The following IGSF21 variants were observed in gnomAD, a reference collection of about 807,000 sequenced individuals.
IGSF21 encodes immunoglobulin superfamily member 21.
Under a neutral mutation model 46.8 loss-of-function variants are expected in IGSF21, and 28 were observed. That is an observed-to-expected ratio of 0.60 (90% CI 0.44 to 0.82). The LOEUF (loss-of-function observed/expected upper bound fraction) is 0.82. Among genes scored for constraint, IGSF21 ranks in the 40% least tolerant of loss-of-function variants. The pLI is 0.00. For synonymous variants in IGSF21, 284 were observed against 273.6 expected (o/e 1.04, Z -0.38); for missense variants, 624 against 665.5 (o/e 0.94, Z 0.69).
intron 1 of IGSF21, among the ~76,000 whole-genome samples, chr1:18,226,801 C>T (rs913802274): frequency 6.6e-6 from 1 of 152,210 alleles, no homozygotes; most frequent in African/African-American, 2.4e-5. Flanking sequence ...TTAAGACTAT[C>T]GGACTGGATT....
At chr1:18,108,984 C>CTGTGTGTGTGTGTG (rs1375887978) in intron 1 of IGSF21, among the ~76,000 whole-genome samples, 5 of 13,308 alleles carry the variant, frequency 3.8e-4, no homozygotes, top group Admixed American at 8.2e-4. Flanking sequence ...GTGAGCAGCT[C>CTGTGTGTGTGTGTG]AGTGTGTGTG....
intron 1 of IGSF21, among the ~76,000 whole-genome samples, chr1:18,196,945 G>A (rs753513571): frequency 1.5e-4 from 23 of 152,138 alleles, no homozygotes; most frequent in Non-Finnish European, 2.9e-4. Flanking sequence ...GAAGACGGAC[G>A]AGCTGGCTTC....
At chr1:18,272,399 AC>A (rs1322227639) in intron 2 of IGSF21, among the ~76,000 whole-genome samples, 1 of 151,872 alleles carries the variant, frequency 6.6e-6, no homozygotes, top group Non-Finnish European at 1.5e-5. Flanking sequence ...CAGTCGCTTC[AC>A]CCCTCCAGGC....
At chr1:18,147,101 G>A (rs896077602) in intron 1 of IGSF21, among the ~76,000 whole-genome samples, 5 of 152,128 alleles carry the variant, frequency 3.3e-5, no homozygotes, top group African/African-American at 4.8e-5. Flanking sequence ...ACGTGTCCAC[G>A]CCTGCCATAG....
chr1:18,320,259 G>A (rs1039588955), intron 3 of IGSF21, among the ~76,000 whole-genome samples: 1 of 152,162 alleles, frequency 6.6e-6, no homozygotes, highest in African/African-American at 2.4e-5. Context: ...AAGCTGGCTG[G>A]CTCCTCTGTC....
At chr1:18,280,520 T>G (rs1031369864) in intron 2 of IGSF21, among the ~76,000 whole-genome samples, 1 of 152,210 alleles carries the variant, frequency 6.6e-6, no homozygotes, top group Non-Finnish European at 1.5e-5. Flanking sequence ...AGTTATAGCA[T>G]GTGTACTATG....
intron 1 of IGSF21, among the ~76,000 whole-genome samples, chr1:18,158,100 C>T (rs1174052782): frequency 3.9e-5 from 6 of 152,168 alleles, no homozygotes; most frequent in African/African-American, 9.7e-5. Flanking sequence ...AGCTCAGTGG[C>T]GCCCCCATCA....
intron 6 of IGSF21, 41 bp from the exon 7 acceptor site, chr1:18,376,269 C>A (rs766355916): frequency 1.5e-6 from 2 of 1,368,994 alleles, no homozygotes; most frequent in Non-Finnish European, 2.1e-6. Flanking sequence ...CCTGTCCCTC[C>A]TTTCCTTACT....
chr1:18,168,377 G>A (rs1045407316), intron 1 of IGSF21, among the ~76,000 whole-genome samples: 5 of 152,110 alleles, frequency 3.3e-5, no homozygotes, highest in Admixed American at 6.5e-5. Flanking sequence ...CACACACATT[G>A]TTGCATAAAT....
Position 18,333,839 on chromosome 1 carries a change from C to T in IGSF21, c.306-1053C>T, listed in dbSNP as rs74058112. On this transcript the variant is annotated intron_variant, in intron 3 of 9. Transcript: ENST00000251296. ...CTGCAGGCCAAATCTAGCTCATCGC[C>T]TATTTTTTTACAACTTGTGAACTGA... Among the ~76,000 whole-genome samples, 620 of 152,274 alleles carry T rather than the reference C, an allele frequency of 4.1e-3. 1 individual carries two copies. The highest frequency in any genetic ancestry group is 0.014 in the African/African-American group (582 of 41,554).
In IGSF21 at chr1:18,290,764, T is replaced by C. The variant is rs1354699251; in HGVS notation, c.184-1102T>C. 1.3e-5 allele frequency among the ~76,000 whole-genome samples: 2 copies of C among 152,148 alleles called. No homozygotes were observed. The highest frequency in any genetic ancestry group is 2.9e-5 in the Non-Finnish European group (2 of 68,026). ...ACACTCCAATCCTCACCTTTTTGCC[T>C]GGGGAAGCTGCTTTCAGCATCCCCC... is the stretch of plus-strand genomic sequence containing the variant. On this transcript the variant is annotated intron_variant, in intron 2 of 9. Coordinates refer to ENST00000251296, the MANE Select transcript of IGSF21 (RefSeq NM_032880.5). The surrounding 1 kb of genome is among the most constrained non-coding windows in gnomAD (Gnocchi z 4.2).
At chr1:18,270,699 G>A (rs1036872498) in intron 2 of IGSF21, among the ~76,000 whole-genome samples, 3 of 152,190 alleles carry the variant, frequency 2.0e-5, no homozygotes, top group Non-Finnish European at 2.9e-5. Context: ...CCGTGACAAT[G>A]GGCTTCCTGC....
chr1:18,214,947 G>A lies in IGSF21; in HGVS notation c.71-12951G>A, dbSNP rs145115937. On this transcript the variant is annotated intron_variant, in intron 1 of 9. Coordinates refer to ENST00000251296, the MANE Select transcript of IGSF21 (RefSeq NM_032880.5). ...AGTAGAGACGGGGTTTCACCATGTT[G>A]GGCAGGATGGTCTTGATCTCTTGAC... 1.7e-3 allele frequency among the ~76,000 whole-genome samples: 254 copies of A among 152,258 alleles called. 1 individual carries two copies. The highest frequency in any genetic ancestry group is 5.8e-3 in the African/African-American group (242 of 41,530).
At chr1:18,227,027 G>A (rs1241133210) in intron 1 of IGSF21, among the ~76,000 whole-genome samples, 1 of 152,224 alleles carries the variant, frequency 6.6e-6, no homozygotes, top group Admixed American at 6.5e-5. Flanking sequence ...ACCAGGGCAA[G>A]AGTCCCAGCG....
chr1:18,335,060 T>G lies in IGSF21; in HGVS notation c.424+50T>G. The G allele has an allele frequency of 7.1e-7, 1 of 1,410,780 alleles. No homozygotes were observed. The highest frequency in any genetic ancestry group is 1.0e-6 in the Non-Finnish European group (1 of 995,314). The allele number at this position is 1,410,780 out of a possible 1,614,324, so 87.4% of individuals were successfully genotyped here. A position where few individuals can be genotyped will look rare whatever the true frequency, so the allele number is the denominator to read the frequency against. ...GGTGTCTCAGTGAGGAGGACGAGTA[T>G]GCTTGAGTGTGTGAATGTGCGCACA... On this transcript the variant is annotated intron_variant, in intron 4 of 9. Transcript: ENST00000251296. The surrounding 1 kb of genome is among the most constrained non-coding windows in gnomAD (Gnocchi z 4.8).
chr1:18,169,789 C>A (rs1232036241), intron 1 of IGSF21, among the ~76,000 whole-genome samples: 1 of 152,100 alleles, frequency 6.6e-6, no homozygotes, highest in African/African-American at 2.4e-5. Flanking sequence ...GTCCTTGGGG[C>A]TCCTGGTCCA....
chr1:18,135,345 T>C (rs1251551306), intron 1 of IGSF21, among the ~76,000 whole-genome samples: 3 of 152,174 alleles, frequency 2.0e-5, no homozygotes, highest in Non-Finnish European at 4.4e-5. Context: ...GGGGCCATGC[T>C]GGTGCGCTGC....
chr1:18,133,869 CATG>C (rs2124419066), intron 1 of IGSF21, among the ~76,000 whole-genome samples: 2 of 152,342 alleles, frequency 1.3e-5, no homozygotes, highest in East Asian at 3.9e-4. Context: ...TGAATAAATT[CATG>C]ATGACCACAC....
At chr1:18,230,206 G>T (rs1396138359) in intron 2 of IGSF21, among the ~76,000 whole-genome samples, 1 of 152,190 alleles carries the variant, frequency 6.6e-6, no homozygotes, top group Non-Finnish European at 1.5e-5. Flanking sequence ...TGTTCTTGAA[G>T]ATGGTGAGCA....
Sources: allele counts gnomAD v4.1 joint callset (sites outside exome capture counted in the v4.1 genomes callset), GRCh38; gene constraint gnomAD v4.1.1; non-coding constraint Gnocchi (gnomAD v3.1); transcripts MANE v1.5; gene names NCBI Gene and HGNC (gene_info 2026-07-23, HGNC 2026-07-21).